The following PRRX2 variants were observed in gnomAD, a reference collection of about 807,000 sequenced individuals.
PRRX2 encodes the protein paired mesoderm homeobox protein 2.
PRRX2 carries 11 observed loss-of-function variants against 18.0 expected under a neutral mutation model. That is an observed-to-expected ratio of 0.61 (90% CI 0.39 to 1.01). The LOEUF (loss-of-function observed/expected upper bound fraction) is 1.01. PRRX2 is among the 50% of genes least tolerant of loss of function. PRRX2 has a pLI of 0.01. For missense variants in PRRX2, 387 were observed against 351.0 expected (o/e 1.10, Z -0.82); for synonymous variants, 177 against 154.8 (o/e 1.14, Z -1.06).
At chr9:129,705,345 G>A (rs1308850541) in intron 1 of PRRX2, among the ~76,000 whole-genome samples, 2 of 152,166 alleles carry the variant, frequency 1.3e-5, no homozygotes, top group African/African-American at 2.4e-5. Context: ...AGAGCCACTC[G>A]GCTGCATCTG....
chr9:129,692,003 G>A (rs952033910), intron 1 of PRRX2, among the ~76,000 whole-genome samples: 4 of 151,602 alleles, frequency 2.6e-5, no homozygotes, highest in African/African-American at 7.3e-5. Context: ...GAGTGCAATG[G>A]TGTGATCTCG....
At chr9:129,670,449 A>G (rs890421570) in intron 1 of PRRX2, among the ~76,000 whole-genome samples, 4 of 151,974 alleles carry the variant, frequency 2.6e-5, no homozygotes, top group Non-Finnish European at 5.9e-5. Context: ...ATCTCCGCTC[A>G]CTGCAACCTC....
chr9:129,698,191 A>G (rs1357708481), intron 1 of PRRX2, among the ~76,000 whole-genome samples: 1 of 142,100 alleles, frequency 7.0e-6, no homozygotes, highest in Admixed American at 7.2e-5. Context: ...CAGGGCCTAT[A>G]AAGTGAGCAG....
intron 1 of PRRX2, among the ~76,000 whole-genome samples, chr9:129,697,244 A>G (rs13299713): frequency 0.36 from 53,978 of 151,612 alleles, 10,542 homozygotes; most frequent in East Asian, 0.57. Flanking sequence ...GGAGAGCGGG[A>G]GTGGAGAGGG....
At chr9:129,687,157 G>A (rs1832308455) in intron 1 of PRRX2, among the ~76,000 whole-genome samples, 1 of 152,196 alleles carries the variant, frequency 6.6e-6, no homozygotes, top group African/African-American at 2.4e-5. Flanking sequence ...GGAGGCCTAG[G>A]TGGGAGGATC....
At chr9:129,666,495 TC>T (rs911245151) in intron 1 of PRRX2, among the ~76,000 whole-genome samples, 3 of 151,428 alleles carry the variant, frequency 2.0e-5, no homozygotes, top group African/African-American at 4.9e-5. Context: ...ACCCGCCCCC[TC>T]CCGCACGAGC....
At chr9:129,717,493 C>T (rs1832724389) in intron 1 of PRRX2, among the ~76,000 whole-genome samples, 1 of 151,832 alleles carries the variant, frequency 6.6e-6, no homozygotes, top group Admixed American at 6.6e-5. Flanking sequence ...GCCAAGAGTT[C>T]GAGACCAGCC....
At chr9:129,684,482 TCACACACACACACACACACACACA>T (rs71385454) in intron 1 of PRRX2, among the ~76,000 whole-genome samples, 2 of 43,246 alleles carry the variant, frequency 4.6e-5, no homozygotes, top group African/African-American at 2.0e-4. Context: ...ATACCAGAAA[TCACACACACACACACACACACACA>T]CACACACACA....
rs552270250 is a variant in PRRX2 at position 129,707,213 on chromosome 9, G to A, written c.260-12018G>A. On this transcript the variant is annotated intron_variant, in intron 1 of 3. Coordinates refer to ENST00000372469, the MANE Select transcript of PRRX2 (RefSeq NM_016307.4). Reference sequence around the variant, plus strand: ...AGAGGTTGCAGTGAGCTGAGATGGCGCCACTGCACTCCAGCCTGGGCAACA... The same window carrying A: ...AGAGGTTGCAGTGAGCTGAGATGGCACCACTGCACTCCAGCCTGGGCAACA... Among the ~76,000 whole-genome samples the A allele has an allele frequency of 2.0e-5, 3 of 152,160 alleles. No individual in the cohort carries two copies. In the South Asian group the frequency reaches 6.2e-4, roughly 32 times the overall value.
At chr9:129,684,532 A>ACAC (rs1165343797) in intron 1 of PRRX2, among the ~76,000 whole-genome samples, 1 of 140,282 alleles carries the variant, frequency 7.1e-6, no homozygotes, top group African/African-American at 2.9e-5. Flanking sequence ...ACCCACACAC[A>ACAC]CCCCAACAGA....
intron 1 of PRRX2, among the ~76,000 whole-genome samples, chr9:129,674,174 G>A (rs927896410): frequency 7.9e-5 from 12 of 152,158 alleles, no homozygotes; most frequent in African/African-American, 2.7e-4. Flanking sequence ...CCCTGAGCCC[G>A]GGTCCAGCTG....
In PRRX2 at chr9:129,719,438, C is replaced by T. The variant is rs1238171750; in HGVS notation, c.447+20C>T. 6 of 1,495,350 alleles carry T rather than the reference C, an allele frequency of 4.0e-6. No individual in the cohort carries two copies. Among genetic ancestry groups the T allele is most frequent in the Non-Finnish European group, 5.4e-6 (6 of 1,120,708 alleles). The allele number at this position is 1,495,350 out of a possible 1,614,324, so 92.6% of individuals were successfully genotyped here. A position where few individuals can be genotyped will look rare whatever the true frequency, so the allele number is the denominator to read the frequency against. Reference sequence around the variant, plus strand: ...GTTCAGGTGAGCGCTCAGTCCCGGGCCTCCCGTGGGAGCGTGCGCGTGGGA... The same window carrying T: ...GTTCAGGTGAGCGCTCAGTCCCGGGTCTCCCGTGGGAGCGTGCGCGTGGGA... On this transcript the variant is annotated intron_variant, in intron 2 of 3. Transcript: ENST00000372469.
chr9:129,678,620 C>T (rs1010986286), intron 1 of PRRX2, among the ~76,000 whole-genome samples: 2 of 152,050 alleles, frequency 1.3e-5, no homozygotes, highest in African/African-American at 2.4e-5. Context: ...GGAAAGGCTC[C>T]GAGTTGGAAA....
At chr9:129,667,644 G>C (rs1000770445) in intron 1 of PRRX2, among the ~76,000 whole-genome samples, 1 of 152,206 alleles carries the variant, frequency 6.6e-6, no homozygotes, top group Non-Finnish European at 1.5e-5. Flanking sequence ...AGGGTGTCTC[G>C]TACTCCAGTC....
At chr9:129,693,942 T>G (rs1047224573) in intron 1 of PRRX2, among the ~76,000 whole-genome samples, 1 of 152,166 alleles carries the variant, frequency 6.6e-6, no homozygotes, top group Non-Finnish European at 1.5e-5. Context: ...GCTGTGTCCT[T>G]GGAGGTAGAA....
At chr9:129,707,923 C>T (rs527874846) in intron 1 of PRRX2, among the ~76,000 whole-genome samples, 4 of 152,322 alleles carry the variant, frequency 2.6e-5, no homozygotes, top group South Asian at 2.1e-4. Flanking sequence ...TATGTTTCAC[C>T]TTGTGAGCAA....
Position 129,700,389 on chromosome 9 carries a change from A to G in PRRX2, c.260-18842A>G, listed in dbSNP as rs1287246115. On this transcript the variant is annotated intron_variant, in intron 1 of 3. Transcript: ENST00000372469. ...AGCCTCGCTCTGTCGCCCAGGCTGGAGTGCAGTGGCGCAATCTCGGCTCTC... is the reference window on the plus strand; with the variant it reads ...AGCCTCGCTCTGTCGCCCAGGCTGGGGTGCAGTGGCGCAATCTCGGCTCTC... 2.0e-5 allele frequency among the ~76,000 whole-genome samples: 3 copies of G among 146,892 alleles called. No individual in the cohort carries two copies. The Admixed American group carries it at 2.1e-4, about 10-fold the overall frequency.
intron 1 of PRRX2, among the ~76,000 whole-genome samples, chr9:129,713,900 C>T (rs149231033): frequency 6.6e-6 from 1 of 151,492 alleles, no homozygotes; most frequent in African/African-American, 2.4e-5. Flanking sequence ...GCCTCGACCT[C>T]CCAAAGTGCT....
At chr9:129,698,681 C>A (rs1437175418) in intron 1 of PRRX2, among the ~76,000 whole-genome samples, 1 of 152,314 alleles carries the variant, frequency 6.6e-6, no homozygotes, top group Middle Eastern at 3.4e-3. Flanking sequence ...ACTGGGTGGA[C>A]GCCCCCTCAC....
Sources: allele counts gnomAD v4.1 joint callset (sites outside exome capture counted in the v4.1 genomes callset), GRCh38; gene constraint gnomAD v4.1.1; transcripts MANE v1.5; gene names NCBI Gene and HGNC (gene_info 2026-07-23, HGNC 2026-07-21).